The following PCDHA1 variants were observed in gnomAD, a reference collection of about 807,000 sequenced individuals.
PCDHA1 encodes protocadherin alpha-1.
Under a neutral mutation model 61.3 loss-of-function variants are expected in PCDHA1, and 42 were observed. The ratio of observed to expected loss-of-function variants is 0.69; its 90% CI spans 0.54 to 0.89. The LOEUF (loss-of-function observed/expected upper bound fraction) is 0.89. PCDHA1 is among the 40% of genes least tolerant of loss of function. The pLI, the probability that PCDHA1 is intolerant of heterozygous loss-of-function variation, is 0.00. For missense variants in PCDHA1, 1,256 were observed against 1,235.3 expected, an observed-to-expected ratio of 1.02 and a Z score of -0.25; for synonymous variants, 610 against 553.8, an observed-to-expected ratio of 1.10 and a Z score of -1.43.
chr5:140,825,736 G>C (rs1270794593), intron 1 of PCDHA1: 2 of 152,316 alleles, frequency 1.3e-5, no homozygotes, highest in Non-Finnish European at 2.9e-5. Flanking sequence ...TTATTATATT[G>C]ATGAGGAGTA....
intron 1 of PCDHA1, chr5:140,862,974 T>G: frequency 1.8e-6 from 1 of 545,638 alleles, no homozygotes; most frequent in Non-Finnish European, 3.6e-6. Flanking sequence ...GCAGGCCACT[T>G]GGTGGCGAAG....
chr5:140,795,420 T>C, intron 1 of PCDHA1: 1 of 1,614,188 alleles, frequency 6.2e-7, no homozygotes, highest in Non-Finnish European at 8.5e-7. Flanking sequence ...ATTCTCGGTT[T>C]CCTCTAGAGG....
At position 140,871,521 on chromosome 5, in the gene PCDHA1, C is replaced by T. The variant is rs1554165698; in HGVS notation, c.2394+82837C>T. 3.2e-6 allele frequency: 5 copies of T among 1,553,236 alleles called. No individual in the cohort carries two copies. In the Admixed American group the frequency reaches 1.0e-4, roughly 31 times the overall value. On this transcript the variant is annotated intron_variant, in intron 1 of 3. Transcript: ENST00000504120. ...TGAGTTTTCTACAGATTCCACCTAT[C>T]AGGAAGTGTATGTGAAATTATTTAA...
chr5:140,845,266 T>G (rs1779777521), intron 1 of PCDHA1, among the ~76,000 whole-genome samples: 1 of 149,636 alleles, frequency 6.7e-6, no homozygotes, highest in Non-Finnish European at 1.5e-5. Context: ...TGTTTTCCTT[T>G]GTGAAAGTAA....
intron 1 of PCDHA1, chr5:140,928,905 G>T: frequency 6.2e-7 from 1 of 1,614,138 alleles, no homozygotes; most frequent in South Asian, 1.1e-5. Flanking sequence ...AAGATGTCTG[G>T]GAACCAGGAG....
At chr5:140,821,498 G>A (rs1479155064) in intron 1 of PCDHA1, 2 of 316,372 alleles carry the variant, frequency 6.3e-6, no homozygotes, top group East Asian at 1.1e-4. Flanking sequence ...AAATATTGAC[G>A]AATATAAGCT....
intron 1 of PCDHA1, among the ~76,000 whole-genome samples, chr5:140,900,569 A>G (rs1166977648): frequency 2.6e-5 from 4 of 152,182 alleles, no homozygotes; most frequent in African/African-American, 9.7e-5. Context: ...GAGCCACGGC[A>G]CCGGCCCATT....
At chr5:140,957,531 G>A (rs2095365025) in intron 1 of PCDHA1, among the ~76,000 whole-genome samples, 1 of 152,080 alleles carries the variant, frequency 6.6e-6, no homozygotes, top group Non-Finnish European at 1.5e-5. Flanking sequence ...ATTCAGTGGG[G>A]ATCTTAGAAA....
intron 1 of PCDHA1, chr5:140,928,243 G>A: frequency 6.2e-7 from 1 of 1,614,202 alleles, no homozygotes; most frequent in South Asian, 1.1e-5. Flanking sequence ...ACCCCAGCAG[G>A]AACTTTTCGT....
intron 1 of PCDHA1, chr5:140,969,045 C>G: frequency 1.2e-6 from 2 of 1,614,090 alleles, no homozygotes. Flanking sequence ...TACAAACAAG[C>G]CAACAACAAT....
At position 140,801,896 on chromosome 5, in the gene PCDHA1, A is replaced by G. The variant is rs1762807272; in HGVS notation, c.2394+13212A>G. On this transcript the variant is annotated intron_variant, in intron 1 of 3. Coordinates refer to ENST00000504120, the MANE Select transcript of PCDHA1 (RefSeq NM_018900.4). Reference sequence around the variant, plus strand: ...CGACTCAACTAAAGATCACTGTTTTAGATGTAAACGACAACGCCCCAGCGT... The same window carrying G: ...CGACTCAACTAAAGATCACTGTTTTGGATGTAAACGACAACGCCCCAGCGT... 3.7e-6 allele frequency: 6 copies of G among 1,614,214 alleles called. No individual in the cohort carries two copies. In the East Asian group the frequency reaches 1.3e-4, roughly 36 times the overall value.
intron 1 of PCDHA1, among the ~76,000 whole-genome samples, chr5:140,789,031 C>A (rs1281049303): frequency 1.3e-5 from 2 of 152,220 alleles, no homozygotes; most frequent in African/African-American, 4.8e-5. Flanking sequence ...GTTATCTTTT[C>A]TGGTGAAATG....
intron 1 of PCDHA1, chr5:140,801,501 T>C (rs1554121521): frequency 1.9e-6 from 3 of 1,614,072 alleles, no homozygotes; most frequent in Admixed American, 3.3e-5. Flanking sequence ...GAGCGCGGAG[T>C]GCAGCATCCA....
At chr5:140,982,607 G>T (rs868934947) in intron 3 of PCDHA1, 44 bp downstream of exon 3, 2 of 1,601,622 alleles carry the variant, frequency 1.2e-6, no homozygotes, top group South Asian at 1.1e-5. Flanking sequence ...TTTCTGGAAA[G>T]TGATCAGATG....
intron 1 of PCDHA1, chr5:140,860,925 G>A (rs2046658234): frequency 6.6e-6 from 1 of 152,286 alleles, no homozygotes; most frequent in Non-Finnish European, 1.5e-5. Context: ...TTTTAGTAGA[G>A]ACGAGGTTTC....
rs2150422300 is a variant in PCDHA1, at chr5:140,848,837, G to T, written c.2394+60153G>T. On this transcript the variant is annotated intron_variant, in intron 1 of 3. Coordinates refer to ENST00000504120, the MANE Select transcript of PCDHA1 (RefSeq NM_018900.4). The stretch of plus-strand genomic sequence containing the variant: ...TGGAGGTGATCGTAGACAGGCCGCT[G>T]CAGGTTTTCCATGTGGACGTGGAGG... 11 of 1,590,342 alleles carry T rather than the reference G, an allele frequency of 6.9e-6. 1 individual carries two copies. Among genetic ancestry groups the T allele is most frequent in the Non-Finnish European group, 9.5e-6 (11 of 1,162,060 alleles).
chr5:140,796,747 C>T lies in PCDHA1; in HGVS notation c.2394+8063C>T, dbSNP rs371053543. 15 of 1,614,016 alleles carry T rather than the reference C, an allele frequency of 9.3e-6. No homozygotes were observed. Among genetic ancestry groups the T allele is most frequent in the African/African-American group, 5.3e-5 (4 of 74,940 alleles). The stretch of plus-strand genomic sequence containing the variant: ...TGCAGGGCACGTGGTGGCGAAGGTG[C>T]GCGCAGTGGACGCTGACTCAGGCTA... On this transcript the variant is annotated intron_variant, in intron 1 of 3. Transcript: ENST00000504120.
chr5:140,959,538 A>G (rs1310965047), intron 1 of PCDHA1, among the ~76,000 whole-genome samples: 1 of 152,204 alleles, frequency 6.6e-6, no homozygotes, highest in Non-Finnish European at 1.5e-5. Flanking sequence ...TAATTCAGAG[A>G]TGCTGTATAA....
At chr5:140,871,380 T>G in intron 1 of PCDHA1, 1 of 1,614,184 alleles carries the variant, frequency 6.2e-7, no homozygotes, top group East Asian at 2.2e-5. Context: ...GGGTGTGCTC[T>G]GAGGAGGGCC....
Sources: gnomAD v4.1 joint callset for allele counts (sites outside exome capture counted in the v4.1 genomes callset) on GRCh38, gnomAD v4.1.1 for gene constraint, MANE v1.5 for transcripts, NCBI Gene and HGNC (gene_info 2026-07-23, HGNC 2026-07-21) for gene names.